The following CCDC6 variants were observed in gnomAD, a reference collection of about 807,000 sequenced individuals.
The protein encoded by CCDC6 is coiled-coil domain containing 6, also known as coiled-coil domain-containing protein 6.
A neutral mutation model predicts 56.6 loss-of-function variants in CCDC6; 20 were observed. The observed-to-expected ratio is 0.35, with a 90% CI of 0.25 to 0.51. The LOEUF (loss-of-function observed/expected upper bound fraction) is 0.51, where lower values mean the gene tolerates loss of function less well. CCDC6 is among the 20% of genes least tolerant of loss of function. CCDC6 has a pLI of 0.95. For missense variants in CCDC6, 367 were observed against 601.1 expected, an observed-to-expected ratio of 0.61 and a Z score of 4.07; for synonymous variants, 241 against 234.4, an observed-to-expected ratio of 1.03 and a Z score of -0.26.
intron 1 of CCDC6, among the ~76,000 whole-genome samples, chr10:59,896,747 T>C (rs988983635): frequency 6.6e-6 from 1 of 151,130 alleles, no homozygotes; most frequent in African/African-American, 2.5e-5. Context: ...TGGATATGGA[T>C]AATGGTGATG....
rs1167007522 is a variant in CCDC6, at chr10:59,869,389, C to CAAAAAAAAAAAAAAAAAAA, written c.304-16706_304-16688dup. ...GCAGTGAGACATGGACTTGCTCAGG[C>CAAAAAAAAAAAAAAAAAAA]AAAAAAAAAAAAAAAAAAAAAAAAA... On this transcript the variant is annotated intron_variant, in intron 1 of 8. Coordinates refer to ENST00000263102, the MANE Select transcript of CCDC6 (RefSeq NM_005436.5). 9.9e-4 allele frequency among the ~76,000 whole-genome samples: 6 copies of CAAAAAAAAAAAAAAAAAAA among 6,090 alleles called. 1 individual carries two copies. The highest frequency in any genetic ancestry group is 2.2e-3 in the African/African-American group (5 of 2,228). The allele number at this position is 6,090 out of a possible 152,430, so 4.0% of individuals were successfully genotyped here.
chr10:59,811,810 C>G (rs545590996), intron 5 of CCDC6, among the ~76,000 whole-genome samples: 1 of 151,732 alleles, frequency 6.6e-6, no homozygotes, highest in East Asian at 1.9e-4. Flanking sequence ...CCTCCAGATA[C>G]GAAGGGACAA....
intron 7 of CCDC6, 66 bp from the exon 8 acceptor site, chr10:59,794,663 G>C: frequency 6.8e-7 from 1 of 1,480,342 alleles, no homozygotes; most frequent in Non-Finnish European, 9.3e-7. Flanking sequence ...AACTATCTAG[G>C]AGGTTTTAAA....
chr10:59,793,185 G>C, intron 8 of CCDC6, 74 bp from the exon 9 acceptor site: 1 of 1,203,096 alleles, frequency 8.3e-7, no homozygotes, highest in Non-Finnish European at 1.2e-6. Flanking sequence ...AGCCTGACTT[G>C]GCACTGGGGC....
In CCDC6 at chr10:59,836,994, A is replaced by G. The variant is rs748573942; in HGVS notation, c.454-4341T>C. On this transcript the variant is annotated intron_variant, in intron 2 of 8. Coordinates refer to ENST00000263102, the MANE Select transcript of CCDC6 (RefSeq NM_005436.5). ...TTCTTGTATCATCCACTGATTAGAT[A>G]TATAGTCTCAAAGCAAACTTCCAGC... is the stretch of plus-strand genomic sequence containing the variant. 1.3e-5 allele frequency among the ~76,000 whole-genome samples: 2 copies of G among 152,272 alleles called. 1 individual carries two copies. Among genetic ancestry groups the G allele is most frequent in the Non-Finnish European group, 2.9e-5 (2 of 68,042 alleles).
intron 1 of CCDC6, among the ~76,000 whole-genome samples, chr10:59,865,412 CT>C (rs912873124): frequency 2.2e-4 from 33 of 152,194 alleles, no homozygotes; most frequent in Non-Finnish European, 7.4e-5. Flanking sequence ...TCCTCCCACC[CT>C]TTCCCGGCAA....
intron 4 of CCDC6, among the ~76,000 whole-genome samples, chr10:59,813,401 T>G (rs1163689962): frequency 6.6e-6 from 1 of 152,242 alleles, no homozygotes; most frequent in Non-Finnish European, 1.5e-5. Context: ...TCTTTACCAA[T>G]TATTTTTATG....
At chr10:59,795,427 C>T (rs1047319259) in intron 7 of CCDC6, among the ~76,000 whole-genome samples, 1 of 151,826 alleles carries the variant, frequency 6.6e-6, no homozygotes, top group Non-Finnish European at 1.5e-5. Context: ...GATATCACCT[C>T]ATAACTGTTA....
At chr10:59,795,708 T>C (rs10994012) in intron 7 of CCDC6, among the ~76,000 whole-genome samples, 15,295 of 148,002 alleles carry the variant, frequency 0.1, 1,377 homozygotes, top group African/African-American at 0.24. Flanking sequence ...TTCCCACCTA[T>C]GAGTCAGAAC....
rs559671358 is a variant in CCDC6 at position 59,791,710 on chromosome 10, A to G, written c.*1207T>C. On this transcript the variant is annotated 3_prime_UTR_variant, in exon 9 of 9. Coordinates refer to ENST00000263102, the MANE Select transcript of CCDC6 (RefSeq NM_005436.5). ...AAACAGCAACTGCTGAAAAACAAAAATTAAGATGTTGCACGTGTTAAGAAA... is the reference window on the plus strand; with the variant it reads ...AAACAGCAACTGCTGAAAAACAAAAGTTAAGATGTTGCACGTGTTAAGAAA... The G allele has an allele frequency of 4.7e-6, 1 of 211,908 alleles. No homozygotes were observed. The highest frequency in any genetic ancestry group is 9.6e-6 in the Non-Finnish European group (1 of 104,294). 13.1% of individuals were successfully genotyped at this position (211,908 alleles called of 1,614,324 possible).
At chr10:59,869,851 A>G (rs1219534611) in intron 1 of CCDC6, among the ~76,000 whole-genome samples, 2 of 151,850 alleles carry the variant, frequency 1.3e-5, no homozygotes, top group East Asian at 3.9e-4. Flanking sequence ...CCCGACACCC[A>G]CGACACTCCA....
chr10:59,830,089 C>T (rs970965916), intron 3 of CCDC6, among the ~76,000 whole-genome samples: 8 of 152,216 alleles, frequency 5.3e-5, no homozygotes, highest in Non-Finnish European at 4.4e-5. Flanking sequence ...TACTACTGAT[C>T]TAACAAAGCA....
At chr10:59,793,661 G>A (rs1288316202) in intron 8 of CCDC6, among the ~76,000 whole-genome samples, 1 of 151,956 alleles carries the variant, frequency 6.6e-6, no homozygotes, top group African/African-American at 2.4e-5. Context: ...CCGTGTGCCT[G>A]TAATACCAGC....
At chr10:59,842,964 A>T (rs2070954388) in intron 2 of CCDC6, among the ~76,000 whole-genome samples, 1 of 152,030 alleles carries the variant, frequency 6.6e-6, no homozygotes, top group Non-Finnish European at 1.5e-5. Flanking sequence ...CGTGTTAGCC[A>T]GGATGGTCTC....
At chr10:59,862,158 A>G (rs2071134529) in intron 1 of CCDC6, among the ~76,000 whole-genome samples, 1 of 152,106 alleles carries the variant, frequency 6.6e-6, no homozygotes, top group East Asian at 1.9e-4. Context: ...CAAACAAGTG[A>G]CTGGTATCCT....
chr10:59,819,230 T>C (rs1465504406), intron 3 of CCDC6, among the ~76,000 whole-genome samples: 1 of 152,208 alleles, frequency 6.6e-6, no homozygotes, highest in Admixed American at 6.5e-5. Context: ...TAAAGTCAGT[T>C]TCCAAGAACT....
chr10:59,903,782 T>C (rs2071521441), intron 1 of CCDC6, among the ~76,000 whole-genome samples: 1 of 152,222 alleles, frequency 6.6e-6, no homozygotes, highest in East Asian at 1.9e-4. Flanking sequence ...ATGTCAGGGA[T>C]TGTACAGCTT....
intron 3 of CCDC6, among the ~76,000 whole-genome samples, chr10:59,830,939 C>G (rs969394611): frequency 1.1e-4 from 16 of 152,210 alleles, no homozygotes; most frequent in Non-Finnish European, 1.0e-4. Context: ...TTGTGAAGGG[C>G]ATGGCCAGGC....
At chr10:59,796,582 C>T (rs1001011560) in intron 7 of CCDC6, among the ~76,000 whole-genome samples, 4 of 152,116 alleles carry the variant, frequency 2.6e-5, no homozygotes, top group Non-Finnish European at 5.9e-5. Context: ...ATCTAGCAAT[C>T]CCACTTCTGG....
Sources: allele counts gnomAD v4.1 joint callset (sites outside exome capture counted in the v4.1 genomes callset), GRCh38; gene constraint gnomAD v4.1.1; transcripts MANE v1.5; gene names NCBI Gene and HGNC (gene_info 2026-07-23, HGNC 2026-07-21).